ARHGAP21: variants seen among roughly 807,000 people sequenced by gnomAD.
The protein encoded by ARHGAP21 is Rho GTPase activating protein 21, also known as rho GTPase-activating protein 21.
A neutral mutation model predicts 164.6 loss-of-function variants in ARHGAP21; 38 were observed. The observed-to-expected ratio is 0.23, with a 90% CI of 0.18 to 0.30. The LOEUF (loss-of-function observed/expected upper bound fraction) is 0.30. ARHGAP21 is among the 10% of genes least tolerant of loss of function. ARHGAP21 has a pLI of 1.00. For synonymous variants in ARHGAP21, 766 were observed against 857.9 expected (o/e 0.89, Z 1.87); for missense variants, 1,822 against 2,370.7 (o/e 0.77, Z 4.81).
chr10:24,647,999 C>T (rs1274675915), intron 4 of ARHGAP21, among the ~76,000 whole-genome samples: 2 of 152,204 alleles, frequency 1.3e-5, no homozygotes, highest in Middle Eastern at 3.4e-3. Context: ...CCACCACACC[C>T]GGCTAATTTT....
At chr10:24,657,599 G>A (rs1311561042) in intron 4 of ARHGAP21, among the ~76,000 whole-genome samples, 1 of 129,856 alleles carries the variant, frequency 7.7e-6, no homozygotes, top group Non-Finnish European at 1.6e-5. Context: ...GCTGCTTTGT[G>A]GAATAGAAAG....
intron 1 of ARHGAP21, 184 bp from the exon 2 acceptor site, chr10:24,722,463 C>CGA: frequency 1.3e-5 from 2 of 156,342 alleles, no homozygotes; most frequent in Admixed American, 6.1e-5. Context: ...CTCGAAACTG[C>CGA]CCAGCGGTTG....
chr10:24,649,538 G>C (rs1352854859), intron 4 of ARHGAP21, among the ~76,000 whole-genome samples: 1 of 152,140 alleles, frequency 6.6e-6, no homozygotes, highest in African/African-American at 2.4e-5. Context: ...TCTAAGAAGT[G>C]GCCATGGGCT....
chr10:24,695,099 A>C, intron 2 of ARHGAP21, among the ~76,000 whole-genome samples: 1 of 143,712 alleles, frequency 7.0e-6, no homozygotes, highest in African/African-American at 2.6e-5. Flanking sequence ...AAAAAAAACG[A>C]AAAGAAAGAA....
chr10:24,658,500 T>A (rs1261982564), intron 4 of ARHGAP21, among the ~76,000 whole-genome samples: 1 of 152,164 alleles, frequency 6.6e-6, no homozygotes, highest in East Asian at 1.9e-4. Flanking sequence ...TATGCAGCCA[T>A]AAAAAAGGAT....
chr10:24,700,931 G>A (rs1046521666), intron 2 of ARHGAP21, among the ~76,000 whole-genome samples: 3 of 152,104 alleles, frequency 2.0e-5, no homozygotes, highest in Non-Finnish European at 2.9e-5. Flanking sequence ...CAAGCTTCCC[G>A]GAGTGTAGAT....
At chr10:24,634,389 A>T (rs148188618) in intron 5 of ARHGAP21, among the ~76,000 whole-genome samples, 1 of 152,324 alleles carries the variant, frequency 6.6e-6, no homozygotes, top group East Asian at 1.9e-4. Context: ...CCCATTTTAA[A>T]TTGTCTAATG....
chr10:24,655,803 A>C (rs1215543214), intron 4 of ARHGAP21, among the ~76,000 whole-genome samples: 29 of 133,406 alleles, frequency 2.2e-4, no homozygotes, highest in African/African-American at 8.1e-4. Flanking sequence ...ACATCTAGGA[A>C]GTGAGGAGCG....
intron 2 of ARHGAP21, among the ~76,000 whole-genome samples, chr10:24,673,191 T>C (rs1212610332): frequency 1.3e-5 from 2 of 152,230 alleles, no homozygotes; most frequent in Admixed American, 1.3e-4. Context: ...GCTGCTATGA[T>C]ATTTCTAAAA....
rs930889520 is a variant in ARHGAP21 at position 24,624,635 on chromosome 10, C to G, written c.496-1873G>C. Among the ~76,000 whole-genome samples the G allele has an allele frequency of 2.0e-5, 3 of 151,810 alleles. No homozygotes were observed. The South Asian group carries it at 6.3e-4, about 32-fold the overall frequency. On this transcript the variant is annotated intron_variant, in intron 7 of 25. Coordinates refer to ENST00000396432, the MANE Select transcript of ARHGAP21 (RefSeq NM_020824.4). Reference sequence around the variant, plus strand: ...GATTACAGGTGTGAACCACCGAGCCCGGGTAGAACTAATATTTTAAAGCTA... The same window carrying G: ...GATTACAGGTGTGAACCACCGAGCCGGGGTAGAACTAATATTTTAAAGCTA...
At chr10:24,596,995 A>T in intron 16 of ARHGAP21, 113 bp from the exon 17 acceptor site, 1 of 1,152,304 alleles carries the variant, frequency 8.7e-7, no homozygotes, top group Non-Finnish European at 1.2e-6. Context: ...CTGTAATATA[A>T]ATAATACATC....
intron 4 of ARHGAP21, among the ~76,000 whole-genome samples, chr10:24,666,544 T>C (rs922346316): frequency 1.3e-4 from 20 of 152,350 alleles, no homozygotes; most frequent in African/African-American, 4.3e-4. Flanking sequence ...ATTGTCCTTT[T>C]ACGTTCATTA....
intron 2 of ARHGAP21, 64 bp from the exon 3 acceptor site, chr10:24,670,461 T>C: frequency 8.5e-7 from 1 of 1,171,816 alleles, no homozygotes; most frequent in African/African-American, 1.6e-5. Context: ...TCTAAAAAAA[T>C]TCTATGTAAA....
chr10:24,672,301 C>T (rs1440603231), intron 2 of ARHGAP21, among the ~76,000 whole-genome samples: 1 of 152,124 alleles, frequency 6.6e-6, no homozygotes, highest in African/African-American at 2.4e-5. Context: ...GCGTCACCTC[C>T]TCCTTCTTGA....
At chr10:24,669,934 T>C (rs899369542) in intron 3 of ARHGAP21, among the ~76,000 whole-genome samples, 4 of 152,178 alleles carry the variant, frequency 2.6e-5, no homozygotes, top group Non-Finnish European at 5.9e-5. Context: ...AACAGTTACA[T>C]ATTAGAAAAA....
At position 24,635,120 on chromosome 10, in the gene ARHGAP21, CA is replaced by C. The variant is rs1269300540; in HGVS notation, c.269-18del. The stretch of plus-strand genomic sequence containing the variant: ...TTTGTTTTCCTGTTACAGAGAAGCC[CA>C]AAGCATGATTTTACTTCACAATACT... On this transcript the variant is annotated intron_variant, in intron 4 of 25. Transcript: ENST00000396432. 1 of 1,529,724 alleles carries C rather than the reference CA, an allele frequency of 6.5e-7. No individual in the cohort carries two copies. Among genetic ancestry groups the C allele is most frequent in the Non-Finnish European group, 8.9e-7 (1 of 1,126,642 alleles). 94.8% of individuals were successfully genotyped at this position (1,529,724 alleles called of 1,614,324 possible).
Position 24,630,466 on chromosome 10 carries a change from C to T in ARHGAP21, c.441-416G>A, listed in dbSNP as rs566253279. Among the ~76,000 whole-genome samples, 7 of 152,198 alleles carry T rather than the reference C, an allele frequency of 4.6e-5. No individual in the cohort carries two copies. In the South Asian group the frequency reaches 1.5e-3, roughly 32 times the overall value. On this transcript the variant is annotated intron_variant, in intron 6 of 25. Transcript: ENST00000396432. ...TTCTGTTCAAGTTAAAATTCATTAA[C>T]ATCAAAGAACCCTCAAACTTAATAT...
intron 2 of ARHGAP21, among the ~76,000 whole-genome samples, chr10:24,693,526 T>C (rs1842914166): frequency 6.6e-6 from 1 of 152,104 alleles, no homozygotes; most frequent in Admixed American, 6.5e-5. Flanking sequence ...AATTTTTTTG[T>C]ATTTTTAGTA....
intron 2 of ARHGAP21, among the ~76,000 whole-genome samples, chr10:24,690,560 G>A (rs1258295036): frequency 6.6e-6 from 1 of 152,108 alleles, no homozygotes; most frequent in Non-Finnish European, 1.5e-5. Context: ...TGGGCGTGGT[G>A]GCTCACTCTT....
Sources: gnomAD v4.1 joint callset for allele counts (sites outside exome capture counted in the v4.1 genomes callset) on GRCh38, gnomAD v4.1.1 for gene constraint, MANE v1.5 for transcripts, NCBI Gene and HGNC (gene_info 2026-07-23, HGNC 2026-07-21) for gene names.